Variants in DLG2 observed in about 807,000 individuals in gnomAD.
DLG2 encodes the protein disks large homolog 2.
DLG2 carries 45 observed loss-of-function variants against 132.5 expected under a neutral mutation model. The observed-to-expected ratio is 0.34, with a 90% CI of 0.27 to 0.44. DLG2 has a LOEUF of 0.44. DLG2 is among the 20% of genes least tolerant of loss of function. The pLI, the probability that DLG2 is intolerant of heterozygous loss-of-function variation, is 1.00. For synonymous variants in DLG2, 424 were observed against 419.6 expected, an observed-to-expected ratio of 1.01 and a Z score of -0.13; for missense variants, 1,045 against 1,196.9, an observed-to-expected ratio of 0.87 and a Z score of 1.87.
chr11:85,176,178 A>G (rs1211482944), intron 4 of DLG2, among the ~76,000 whole-genome samples: 1 of 152,222 alleles, frequency 6.6e-6, no homozygotes, highest in African/African-American at 2.4e-5. Context: ...CAAAAAGAAC[A>G]AAGCTGGAGA....
At chr11:85,266,112 G>C (rs1366005985) in intron 4 of DLG2, among the ~76,000 whole-genome samples, 1 of 152,250 alleles carries the variant, frequency 6.6e-6, no homozygotes, top group Non-Finnish European at 1.5e-5. Context: ...TCCATAGACA[G>C]TGTAGCTAAG....
At chr11:85,397,738 T>C (rs2087555028) in intron 3 of DLG2, among the ~76,000 whole-genome samples, 1 of 152,168 alleles carries the variant, frequency 6.6e-6, no homozygotes, top group Non-Finnish European at 1.5e-5. Context: ...ACATCTTAAA[T>C]ATATATGCGC....
intron 6 of DLG2, among the ~76,000 whole-genome samples, chr11:84,598,935 C>T (rs1482423190): frequency 2.0e-5 from 3 of 150,062 alleles, no homozygotes; most frequent in Non-Finnish European, 4.4e-5. Flanking sequence ...CAGAGTGAGA[C>T]CCTGCCTCTA....
chr11:84,978,067 T>C (rs550977796), intron 6 of DLG2, among the ~76,000 whole-genome samples: 11 of 152,292 alleles, frequency 7.2e-5, no homozygotes, highest in South Asian at 4.1e-4. Flanking sequence ...TCTAAATGTC[T>C]TGAAGGGGAA....
intron 4 of DLG2, among the ~76,000 whole-genome samples, chr11:85,261,586 A>C (rs2076944572): frequency 6.6e-6 from 1 of 152,184 alleles, no homozygotes; most frequent in Admixed American, 6.5e-5. Flanking sequence ...GAAGGGACTC[A>C]TCAGAGAGGG....
chr11:84,646,864 G>A (rs944177815), intron 6 of DLG2, among the ~76,000 whole-genome samples: 4 of 152,072 alleles, frequency 2.6e-5, no homozygotes, highest in Non-Finnish European at 4.4e-5. Flanking sequence ...GTTATCCAGC[G>A]GATGTCTAAT....
intron 4 of DLG2, among the ~76,000 whole-genome samples, chr11:85,274,449 A>T (rs1265151703): frequency 1.1e-4 from 16 of 152,246 alleles, no homozygotes; most frequent in Admixed American, 1.0e-3. Flanking sequence ...TCACAACAGT[A>T]TCCAACTTAG....
chr11:85,325,693 G>C (rs974854208), intron 3 of DLG2, among the ~76,000 whole-genome samples: 3 of 56,648 alleles, frequency 5.3e-5, no homozygotes, highest in African/African-American at 1.9e-4. Context: ...AGAAAAACTG[G>C]AAACTCTAAA....
chr11:85,620,301 C>T (rs746411658), intron 2 of DLG2, among the ~76,000 whole-genome samples: 5 of 152,212 alleles, frequency 3.3e-5, no homozygotes, highest in Non-Finnish European at 7.3e-5. Flanking sequence ...GTCATTGCCC[C>T]ATCTCTCTCC....
At chr11:84,457,944 T>G (rs59451886) in intron 7 of DLG2, among the ~76,000 whole-genome samples, 1,548 of 150,762 alleles carry the variant, frequency 0.01, 16 homozygotes, top group African/African-American at 0.034. Flanking sequence ...TGTTGCTGAT[T>G]ATTATAGAAA....
chr11:83,934,925 G>A (rs1243856976), intron 14 of DLG2, among the ~76,000 whole-genome samples: 1 of 152,138 alleles, frequency 6.6e-6, no homozygotes, highest in Non-Finnish European at 1.5e-5. Context: ...TCCCGAGCCA[G>A]AACTAAAAGG....
At chr11:85,187,005 T>C (rs2080154556) in intron 4 of DLG2, among the ~76,000 whole-genome samples, 1 of 152,144 alleles carries the variant, frequency 6.6e-6, no homozygotes, top group Admixed American at 6.6e-5. Context: ...AAGCCCTGGA[T>C]GTGCTGACAC....
chr11:85,565,915 T>C (rs966444482), intron 3 of DLG2, among the ~76,000 whole-genome samples: 2 of 152,188 alleles, frequency 1.3e-5, no homozygotes, highest in Non-Finnish European at 2.9e-5. Context: ...ATTTAATTTT[T>C]TGAGAAACTG....
chr11:83,989,141 G>A (rs2093550983), intron 11 of DLG2, among the ~76,000 whole-genome samples: 1 of 152,108 alleles, frequency 6.6e-6, no homozygotes, highest in Admixed American at 6.6e-5. Context: ...GAATGAGCAA[G>A]GGGCAGAAAC....
chr11:84,018,729 T>G (rs2095297532), intron 11 of DLG2, among the ~76,000 whole-genome samples: 1 of 151,608 alleles, frequency 6.6e-6, no homozygotes. Flanking sequence ...TAGAGATGAG[T>G]AGATTTGGCA....
chr11:84,209,799 G>A (rs1320448925), intron 8 of DLG2, among the ~76,000 whole-genome samples: 2 of 152,144 alleles, frequency 1.3e-5, no homozygotes, highest in African/African-American at 4.8e-5. Flanking sequence ...TTAAAAAGAT[G>A]AACAACATTT....
chr11:83,736,262 G>A (rs2091878181), intron 18 of DLG2, among the ~76,000 whole-genome samples: 1 of 152,124 alleles, frequency 6.6e-6, no homozygotes, highest in Non-Finnish European at 1.5e-5. Flanking sequence ...GTGTCCCTGA[G>A]CAGATTAGAT....
chr11:84,433,711 G>A (rs1271874722), intron 7 of DLG2, among the ~76,000 whole-genome samples: 1 of 152,142 alleles, frequency 6.6e-6, no homozygotes, highest in Non-Finnish European at 1.5e-5. Context: ...CAATTGCCAG[G>A]CATTTAGGTC....
intron 6 of DLG2, among the ~76,000 whole-genome samples, chr11:85,079,265 G>A (rs2066932329): frequency 6.6e-6 from 1 of 152,084 alleles, no homozygotes; most frequent in Non-Finnish European, 1.5e-5. Context: ...TGCAGATGAA[G>A]CCACCAGGTA....
Sources: gnomAD v4.1 joint callset for allele counts (sites outside exome capture counted in the v4.1 genomes callset) on GRCh38, gnomAD v4.1.1 for gene constraint, MANE v1.5 for transcripts, NCBI Gene and HGNC (gene_info 2026-07-23, HGNC 2026-07-21) for gene names.